The following DNAJC8 variants were observed in gnomAD, a reference collection of about 807,000 sequenced individuals.
DNAJC8 encodes the protein DnaJ heat shock protein family (Hsp40) member C8.
A neutral mutation model predicts 43.2 loss-of-function variants in DNAJC8; 24 were observed. The ratio of observed to expected loss-of-function variants is 0.56; its 90% CI spans 0.40 to 0.78. The LOEUF is 0.78. DNAJC8 is among the 30% of genes least tolerant of loss of function. The pLI is 0.00. For synonymous variants in DNAJC8, 83 were observed against 98.0 expected (o/e 0.85, Z 0.90); for missense variants, 207 against 299.4 (o/e 0.69, Z 2.28).
At chr1:28,214,692 C>T (rs980696039) in intron 3 of DNAJC8, among the ~76,000 whole-genome samples, 1 of 152,052 alleles carries the variant, frequency 6.6e-6, no homozygotes, top group Admixed American at 6.6e-5. Flanking sequence ...ATACTTATCC[C>T]TCTTAATTAA....
Position 28,214,308 on chromosome 1 carries a change from G to T in DNAJC8, c.237+632C>A, listed in dbSNP as rs1431143758. Among the ~76,000 whole-genome samples the T allele has an allele frequency of 3.3e-5, 5 of 152,054 alleles. No individual in the cohort carries two copies. In the East Asian group the frequency reaches 9.7e-4, roughly 29 times the overall value. Reference sequence around the variant, plus strand: ...CTGCATTTTGGGGAGGCTGAAGCAGGTAGATCACTTGAGGTCAGGAGTTCG... The same window carrying T: ...CTGCATTTTGGGGAGGCTGAAGCAGTTAGATCACTTGAGGTCAGGAGTTCG... On this transcript the variant is annotated intron_variant, in intron 3 of 8. Transcript: ENST00000263697.
At chr1:28,208,050 T>C (rs1313234963) in intron 6 of DNAJC8, among the ~76,000 whole-genome samples, 3 of 152,008 alleles carry the variant, frequency 2.0e-5, no homozygotes, top group South Asian at 4.2e-4. Context: ...CTACTAAAAA[T>C]ACAAAATTAA....
chr1:28,209,595 T>C (rs1265606372), intron 5 of DNAJC8, among the ~76,000 whole-genome samples: 7 of 152,192 alleles, frequency 4.6e-5, no homozygotes, highest in Admixed American at 1.3e-4. Context: ...CCAAGCCTTG[T>C]TGCAAACCCT....
intron 7 of DNAJC8, among the ~76,000 whole-genome samples, 183 bp from the exon 8 acceptor site, chr1:28,204,005 A>G (rs1280113074): frequency 2.0e-5 from 3 of 152,204 alleles, no homozygotes. Flanking sequence ...AAACACGCAG[A>G]TCAGACTTGG....
intron 2 of DNAJC8, among the ~76,000 whole-genome samples, chr1:28,215,668 GCTGGGATTACAGGCACGTGCCACCACAC>G (rs1646847558): frequency 6.6e-6 from 1 of 151,306 alleles, no homozygotes; most frequent in Non-Finnish European, 1.5e-5. Flanking sequence ...CTCCTGAGTA[GCTGGGATTACAGGCACGTGCCACCACAC>G]CTGGCTAATT....
At chr1:28,202,561 G>A (rs1297637162) in intron 8 of DNAJC8, among the ~76,000 whole-genome samples, 2 of 146,840 alleles carry the variant, frequency 1.4e-5, no homozygotes, top group African/African-American at 2.5e-5. Context: ...TTACAGGCAT[G>A]AGCCACCTCA....
intron 2 of DNAJC8, among the ~76,000 whole-genome samples, chr1:28,226,140 T>C (rs1316180552): frequency 6.6e-6 from 1 of 151,348 alleles, no homozygotes; most frequent in Admixed American, 6.6e-5. Context: ...TATTTGTAAA[T>C]GTGAACAATT....
At position 28,217,634 on chromosome 1, in the gene DNAJC8, C is replaced by A. The variant is rs142289741; in HGVS notation, c.181-2638G>T. ...CTGTAACTGTTCATACAAAAATATT[C>A]ATAGGAAAACCACTAGTTCTGAGGA... On this transcript the variant is annotated intron_variant, in intron 2 of 8. Coordinates refer to ENST00000263697, the MANE Select transcript of DNAJC8 (RefSeq NM_014280.3). Among the ~76,000 whole-genome samples the A allele has an allele frequency of 1.5e-3, 222 of 151,950 alleles. 1 individual carries two copies. Among genetic ancestry groups the A allele is most frequent in the South Asian group, 0.013 (65 of 4,816 alleles).
At chr1:28,210,688 T>C in intron 3 of DNAJC8, 51 bp from the exon 4 acceptor site, 1 of 1,470,414 alleles carries the variant, frequency 6.8e-7, no homozygotes, top group Non-Finnish European at 9.5e-7. Context: ...ATTTACTAAC[T>C]TCCAGCCTGC....
rs534393917 is a variant in DNAJC8, at chr1:28,215,616, C to T, written c.181-620G>A. On this transcript the variant is annotated intron_variant, in intron 2 of 8. Transcript: ENST00000263697. Reference sequence around the variant, plus strand: ...GCAATGGCGAGATCTCGGCTCACTGCAACCTCCACCTCCGCGGTTCAAGCG... The same window carrying T: ...GCAATGGCGAGATCTCGGCTCACTGTAACCTCCACCTCCGCGGTTCAAGCG... 9.9e-5 allele frequency among the ~76,000 whole-genome samples: 15 copies of T among 151,882 alleles called. 1 individual carries two copies. In the South Asian group the frequency reaches 2.9e-3, roughly 30 times the overall value.
intron 2 of DNAJC8, among the ~76,000 whole-genome samples, chr1:28,219,584 G>A (rs186673648): frequency 3.3e-5 from 5 of 152,324 alleles, no homozygotes; most frequent in African/African-American, 9.6e-5. Flanking sequence ...CATGTGGACT[G>A]TATGCTGGAT....
At chr1:28,203,664 T>C in intron 8 of DNAJC8, 83 bp downstream of exon 8, 2 of 1,348,600 alleles carry the variant, frequency 1.5e-6, no homozygotes, top group South Asian at 2.3e-5. Context: ...CCCCTCTGAC[T>C]GCCCCACTCA....
intron 6 of DNAJC8, among the ~76,000 whole-genome samples, chr1:28,206,173 C>T (rs1187685340): frequency 6.6e-6 from 1 of 151,870 alleles, no homozygotes. Flanking sequence ...GCCTGGACAA[C>T]AGAGCAAGAC....
intron 3 of DNAJC8, 141 bp downstream of exon 3, chr1:28,214,798 CT>C (rs1049036784): frequency 8.4e-5 from 44 of 524,614 alleles, no homozygotes; most frequent in Non-Finnish European, 1.3e-4. Flanking sequence ...TTATTATGAG[CT>C]TTTTTTTACA....
At position 28,212,168 on chromosome 1, in the gene DNAJC8, A is replaced by AATAAAAAAATAT. The variant is rs35950985; in HGVS notation, c.238-1532_238-1531insATATTTTTTTAT. On this transcript the variant is annotated intron_variant, in intron 3 of 8. Coordinates refer to ENST00000263697, the MANE Select transcript of DNAJC8 (RefSeq NM_014280.3). ...CGGACTCCGTCTCAATAAATAAATAAATATATATATATATATATATATATA... is the reference window on the plus strand; with the variant it reads ...CGGACTCCGTCTCAATAAATAAATAAATAAAAAAATATATATATATATATATATATATATATA... Among the ~76,000 whole-genome samples, 9 of 31,024 alleles carry AATAAAAAAATAT rather than the reference A, an allele frequency of 2.9e-4. 1 individual carries two copies. Among genetic ancestry groups the AATAAAAAAATAT allele is most frequent in the Admixed American group, 4.9e-4 (1 of 2,024 alleles). The allele number at this position is 31,024 out of a possible 152,430, so 20.4% of individuals were successfully genotyped here. A position where few individuals can be genotyped will look rare whatever the true frequency, so the allele number is the denominator to read the frequency against.
Position 28,218,323 on chromosome 1 carries a change from G to A in DNAJC8, c.181-3327C>T, listed in dbSNP as rs547004559. Among the ~76,000 whole-genome samples the A allele has an allele frequency of 1.5e-3, 223 of 151,936 alleles. 1 individual carries two copies. The highest frequency in any genetic ancestry group is 0.013 in the South Asian group (65 of 4,818). ...TTGGTCAGGCTGGTCTCGAACTCCC[G>A]ACTTCAGGTGATCTGCCCACCTCAG... On this transcript the variant is annotated intron_variant, in intron 2 of 8. Transcript: ENST00000263697.
chr1:28,226,572 T>C (rs1352495222), intron 2 of DNAJC8, among the ~76,000 whole-genome samples: 1 of 151,232 alleles, frequency 6.6e-6, no homozygotes, highest in African/African-American at 2.4e-5. Context: ...ATAAATTATA[T>C]GGAATTTTTT....
rs371385963 is a variant in DNAJC8, at chr1:28,213,518, C to T, written c.237+1422G>A. ...TGAGTCAGCAATATGGGGAAAATTACTGTACTGAAGAAACAAGCACACCAC... is the reference window on the plus strand; with the variant it reads ...TGAGTCAGCAATATGGGGAAAATTATTGTACTGAAGAAACAAGCACACCAC... On this transcript the variant is annotated intron_variant, in intron 3 of 8. Transcript: ENST00000263697. Among the ~76,000 whole-genome samples, 29 of 152,202 alleles carry T rather than the reference C, an allele frequency of 1.9e-4. No homozygotes were observed. The South Asian group carries it at 2.5e-3, about 13-fold the overall frequency.
At chr1:28,204,398 T>C (rs1020448670) in intron 7 of DNAJC8, among the ~76,000 whole-genome samples, 2 of 152,060 alleles carry the variant, frequency 1.3e-5, no homozygotes, top group South Asian at 2.1e-4. Flanking sequence ...CTGACCAACA[T>C]GGTGAAACCC....
Sources: allele counts gnomAD v4.1 joint callset (sites outside exome capture counted in the v4.1 genomes callset), GRCh38; gene constraint gnomAD v4.1.1; transcripts MANE v1.5; gene names NCBI Gene and HGNC (gene_info 2026-07-23, HGNC 2026-07-21).